The following MRPL27 variants were observed in gnomAD, a reference collection of about 807,000 sequenced individuals.
MRPL27 encodes the protein large ribosomal subunit protein bL27m.
A neutral mutation model predicts 14.6 loss-of-function variants in MRPL27; 4 were observed. The observed-to-expected ratio is 0.27, with a 90% CI of 0.14 to 0.63. The LOEUF (loss-of-function observed/expected upper bound fraction) is 0.63. Ranked by LOEUF, MRPL27 falls within the 20% of genes least tolerant of loss-of-function variation. The pLI, the probability that MRPL27 is intolerant of heterozygous loss-of-function variation, is 0.85. For synonymous variants in MRPL27, 82 were observed against 75.5 expected, an observed-to-expected ratio of 1.09 and a Z score of -0.45; for missense variants, 196 against 192.8, an observed-to-expected ratio of 1.02 and a Z score of -0.10.
At chr17:50,370,144 C>G in intron 2 of MRPL27, 45 bp from the exon 3 acceptor site, 1 of 1,555,530 alleles carries the variant, frequency 6.4e-7, no homozygotes, top group Non-Finnish European at 8.8e-7. Flanking sequence ...AGCAAACTAC[C>G]AAGAAAACAT....
intron 1 of MRPL27, chr17:50,370,919 G>A (rs760966719): frequency 5.1e-5 from 14 of 273,944 alleles, no homozygotes; most frequent in African/African-American, 1.5e-4. Flanking sequence ...CATGCACCAC[G>A]GAGGGGCCAG....
chr17:50,368,045 T>A lies in MRPL27; in HGVS notation c.*47A>T. 6.2e-7 allele frequency: 1 copy of A among 1,604,886 alleles called. No individual in the cohort carries two copies. The highest frequency in any genetic ancestry group is 1.1e-5 in the South Asian group (1 of 90,424). On this transcript the variant is annotated 3_prime_UTR_variant, in exon 4 of 4. Coordinates refer to ENST00000225969, the MANE Select transcript of MRPL27 (RefSeq NM_016504.3). ...ACCCTTGACTTCTGGTATCACCATC[T>A]CCTGTCACCTGGGCTCCAGTCTCTG...
chr17:50,368,576 A>G, intron 3 of MRPL27: 1 of 594,636 alleles, frequency 1.7e-6, no homozygotes, highest in Admixed American at 3.1e-5. Context: ...GCAGCTGGTC[A>G]GAAGCCACAC....
Position 50,370,565 on chromosome 17 carries a change from G to A in MRPL27, c.62C>T (p.Thr21Ile). The A allele has an allele frequency of 1.2e-6, 2 of 1,614,202 alleles. No homozygotes were observed. The highest frequency in any genetic ancestry group is 1.7e-6 in the Non-Finnish European group (2 of 1,180,032). Residue 21 changes from threonine (T) to isoleucine (I), a missense_variant, in exon 2 of 4, where the codon ACT becomes ATT. Coordinates refer to ENST00000225969, the MANE Select transcript of MRPL27 (RefSeq NM_016504.3). The part of the protein sequence containing the change: ...RTAVTSLLSP[T>I]PATALAVRYA... ...TCTGACAGCAAGAGCTGTAGCCGGAGTGGGGCTTAGCAAGGATGTAACTGC... is the reference window on the plus strand; with the variant it reads ...TCTGACAGCAAGAGCTGTAGCCGGAATGGGGCTTAGCAAGGATGTAACTGC...
intron 1 of MRPL27, 44 bp downstream of exon 1, chr17:50,373,087 C>T: frequency 6.2e-7 from 1 of 1,613,074 alleles, no homozygotes; most frequent in Non-Finnish European, 8.5e-7. Flanking sequence ...GAGCTCCACT[C>T]TGCCTCCCCG....
chr17:50,370,134 A>T, intron 2 of MRPL27, 35 bp from the exon 3 acceptor site: 1 of 1,574,272 alleles, frequency 6.4e-7, no homozygotes, highest in Non-Finnish European at 8.6e-7. Flanking sequence ...GGGGCAGCAT[A>T]GCAAACTACC....
intron 1 of MRPL27, among the ~76,000 whole-genome samples, chr17:50,372,048 A>C (rs1430333157): frequency 2.0e-5 from 3 of 152,146 alleles, no homozygotes; most frequent in African/African-American, 4.8e-5. Context: ...GTTTTCCTCC[A>C]AGTTCACTGC....
At chr17:50,368,804 C>T (rs1435374212) in intron 3 of MRPL27, 1 of 699,288 alleles carries the variant, frequency 1.4e-6, no homozygotes, top group South Asian at 1.5e-5. Context: ...CCCATGTAAG[C>T]CCTTTAATAC....
chr17:50,368,780 T>C, intron 3 of MRPL27: 1 of 691,520 alleles, frequency 1.4e-6, no homozygotes. Context: ...ATCATACTAC[T>C]GCATTAGCTA....
chr17:50,369,653 T>G, intron 3 of MRPL27: 1 of 229,406 alleles, frequency 4.4e-6, no homozygotes, highest in South Asian at 6.6e-5. Flanking sequence ...AACTAATAAA[T>G]TGAAATTAGT....
chr17:50,371,852 A>C (rs1913160408), intron 1 of MRPL27, among the ~76,000 whole-genome samples: 1 of 151,982 alleles, frequency 6.6e-6, no homozygotes, highest in African/African-American at 2.4e-5. Flanking sequence ...ACATTATCTC[A>C]CTCACAAATC....
chr17:50,370,414 C>A, intron 2 of MRPL27, 41 bp downstream of exon 2: 1 of 1,613,492 alleles, frequency 6.2e-7, no homozygotes, highest in East Asian at 2.2e-5. Flanking sequence ...AACATGAGGA[C>A]AGGGTGCAGC....
intron 3 of MRPL27, chr17:50,368,682 T>A: frequency 1.7e-6 from 1 of 594,808 alleles, no homozygotes; most frequent in East Asian, 2.8e-5. Context: ...TTGATGTAAA[T>A]TTTCATTTAG....
chr17:50,371,416 T>A (rs138927740), intron 1 of MRPL27, among the ~76,000 whole-genome samples: 6 of 152,292 alleles, frequency 3.9e-5, no homozygotes, highest in African/African-American at 1.2e-4. Flanking sequence ...GGTCCAACCA[T>A]GACCCACACA....
At chr17:50,369,758 A>G (rs1190719078) in intron 3 of MRPL27, 2 of 500,866 alleles carry the variant, frequency 4.0e-6, no homozygotes, top group East Asian at 7.8e-5. Flanking sequence ...AGGCCAATGC[A>G]ACACCAGGGC....
intron 3 of MRPL27, chr17:50,369,258 C>T (rs746101139): frequency 1.2e-4 from 22 of 191,282 alleles, no homozygotes; most frequent in Non-Finnish European, 2.0e-4. Context: ...GACATAGCCA[C>T]ACATCTAATG....
chr17:50,368,757 T>C lies in MRPL27; in HGVS notation c.241-459A>G, dbSNP rs1037784601. On this transcript the variant is annotated intron_variant, in intron 3 of 3. Transcript: ENST00000225969. ...ACCAAAGCTATATGGATAATGCATATGCTAATAAAACAATCATACTACTGC... is the reference window on the plus strand; with the variant it reads ...ACCAAAGCTATATGGATAATGCATACGCTAATAAAACAATCATACTACTGC... The C allele has an allele frequency of 1.0e-5, 7 of 679,106 alleles. No individual in the cohort carries two copies. In the East Asian group the frequency reaches 1.4e-4, roughly 13 times the overall value. 42.1% of individuals were successfully genotyped at this position (679,106 alleles called of 1,614,324 possible).
intron 1 of MRPL27, 106 bp downstream of exon 1, chr17:50,373,025 C>T (rs1301680351): frequency 2.1e-5 from 31 of 1,500,618 alleles, no homozygotes; most frequent in African/African-American, 2.8e-5. Flanking sequence ...CACTTCCCCT[C>T]GCATCCAAGG....
intron 2 of MRPL27, 96 bp downstream of exon 2, chr17:50,370,359 A>G: frequency 1.9e-6 from 3 of 1,576,388 alleles, no homozygotes; most frequent in Non-Finnish European, 2.6e-6. Context: ...GATGGTAAGG[A>G]AGAACAGGGC....
Sources: gnomAD v4.1 joint callset for allele counts (sites outside exome capture counted in the v4.1 genomes callset) on GRCh38, gnomAD v4.1.1 for gene constraint, MANE v1.5 for transcripts, NCBI Gene and HGNC (gene_info 2026-07-23, HGNC 2026-07-21) for gene names.